HSPBAP1: variants seen among roughly 807,000 people sequenced by gnomAD.
HSPBAP1 encodes HSPB1 associated protein 1.
In HSPBAP1, 27 loss-of-function variants were observed where a neutral mutation model predicts 45.2. That is an observed-to-expected ratio of 0.60 (90% CI 0.44 to 0.82). The LOEUF is 0.82. HSPBAP1 is among the 40% of genes least tolerant of loss of function. The pLI is 0.00. For synonymous variants in HSPBAP1, 204 were observed against 202.7 expected (o/e 1.01, Z -0.06); for missense variants, 510 against 590.9 (o/e 0.86, Z 1.42).
intron 3 of HSPBAP1, chr3:122,762,117 T>C (rs1033661277): frequency 1.3e-5 from 2 of 152,192 alleles, no homozygotes; most frequent in Non-Finnish European, 2.9e-5. Flanking sequence ...GACAAGTAGC[T>C]AGCTAGTTGA....
chr3:122,749,978 CTTT>C (rs369371448), intron 6 of HSPBAP1, among the ~76,000 whole-genome samples: 5 of 140,178 alleles, frequency 3.6e-5, no homozygotes, highest in Non-Finnish European at 3.1e-5. Context: ...GGTTTTCTTT[CTTT>C]TTTTTTTTTT....
intron 5 of HSPBAP1, 63 bp from the exon 6 acceptor site, chr3:122,752,737 A>G: frequency 6.8e-7 from 1 of 1,476,584 alleles, no homozygotes; most frequent in Non-Finnish European, 9.2e-7. Flanking sequence ...TGTCAGAATC[A>G]GACCCTAATT....
At chr3:122,785,866 T>TAGATAGAC (rs1343782582) in intron 1 of HSPBAP1, among the ~76,000 whole-genome samples, 36 of 152,122 alleles carry the variant, frequency 2.4e-4, no homozygotes, top group African/African-American at 7.5e-4. Context: ...GATAGATAGA[T>TAGATAGAC]AGGGAATATA....
intron 2 of HSPBAP1, among the ~76,000 whole-genome samples, chr3:122,775,811 T>A (rs1447589329): frequency 1.3e-5 from 2 of 152,212 alleles, no homozygotes; most frequent in Admixed American, 6.5e-5. Flanking sequence ...CACAAAAACA[T>A]GTACATGAAT....
At chr3:122,789,121 C>G (rs1935743930) in intron 1 of HSPBAP1, among the ~76,000 whole-genome samples, 1 of 152,086 alleles carries the variant, frequency 6.6e-6, no homozygotes, top group Non-Finnish European at 1.5e-5. Flanking sequence ...CACCCTTTGC[C>G]CCTTTTAAAA....
intron 6 of HSPBAP1, among the ~76,000 whole-genome samples, chr3:122,750,557 T>TATCTA (rs1560114956): frequency 8.1e-5 from 12 of 147,276 alleles, no homozygotes; most frequent in African/African-American, 2.2e-4. Context: ...CTATCTAATC[T>TATCTA]ATCTATCTAT....
chr3:122,792,564 C>G (rs566198069), intron 1 of HSPBAP1, among the ~76,000 whole-genome samples: 3 of 152,186 alleles, frequency 2.0e-5, no homozygotes, highest in Non-Finnish European at 2.9e-5. Flanking sequence ...ATACATCCAT[C>G]CTTTTCTGCT....
At chr3:122,765,093 G>A (rs1456166949) in intron 3 of HSPBAP1, among the ~76,000 whole-genome samples, 1 of 152,162 alleles carries the variant, frequency 6.6e-6, no homozygotes, top group Non-Finnish European at 1.5e-5. Context: ...GATGAGACAA[G>A]TTGGAATGTA....
chr3:122,772,835 A>C (rs527555695), intron 2 of HSPBAP1, among the ~76,000 whole-genome samples: 114 of 151,958 alleles, frequency 7.5e-4, no homozygotes, highest in Middle Eastern at 3.4e-3. Flanking sequence ...TAACAACACA[A>C]TCTTTATTTT....
chr3:122,764,726 C>A (rs1934716167), intron 3 of HSPBAP1, among the ~76,000 whole-genome samples: 1 of 152,106 alleles, frequency 6.6e-6, no homozygotes, highest in Non-Finnish European at 1.5e-5. Flanking sequence ...GAATTTGTGA[C>A]AGTACAAAAC....
chr3:122,778,678 C>T lies in HSPBAP1; in HGVS notation c.65-772G>A, dbSNP rs371952712. On this transcript the variant is annotated intron_variant, in intron 1 of 7. Transcript: ENST00000306103. ...CCAAGTAGCAGGGACTACAGGCGCC[C>T]GCCACTGCGCCCGGCTAATTTTTTT... 1.4e-4 allele frequency among the ~76,000 whole-genome samples: 21 copies of T among 152,024 alleles called. 1 individual carries two copies. The highest frequency in any genetic ancestry group is 6.6e-4 in the Admixed American group (10 of 15,266).
chr3:122,768,242 A>G (rs1281892889), intron 3 of HSPBAP1, among the ~76,000 whole-genome samples: 1 of 152,192 alleles, frequency 6.6e-6, no homozygotes, highest in Non-Finnish European at 1.5e-5. Context: ...CAGGCCATGA[A>G]CTGCCAGAGA....
chr3:122,782,111 T>C (rs1033054088), intron 1 of HSPBAP1, among the ~76,000 whole-genome samples: 1 of 152,358 alleles, frequency 6.6e-6, no homozygotes, highest in Admixed American at 6.5e-5. Flanking sequence ...AAAATACTAC[T>C]TCCTAAGTAG....
intron 3 of HSPBAP1, among the ~76,000 whole-genome samples, chr3:122,767,499 A>G (rs565030168): frequency 1.8e-3 from 267 of 151,682 alleles, no homozygotes; most frequent in Non-Finnish European, 3.1e-3. Context: ...CAGAGGTTGC[A>G]GGGAGTCGTA....
chr3:122,769,703 C>T (rs778829394), intron 2 of HSPBAP1, among the ~76,000 whole-genome samples: 4 of 152,138 alleles, frequency 2.6e-5, no homozygotes, highest in Non-Finnish European at 5.9e-5. Context: ...TGTTTTGAGA[C>T]AGGGTCTTGC....
intron 6 of HSPBAP1, among the ~76,000 whole-genome samples, chr3:122,752,136 C>G (rs768096888): frequency 5.3e-5 from 8 of 152,148 alleles, no homozygotes; most frequent in Non-Finnish European, 1.2e-4. Context: ...ATGATAAAAA[C>G]CTAGCACTGA....
chr3:122,754,097 G>C (rs961979949), intron 5 of HSPBAP1: 1 of 162,982 alleles, frequency 6.1e-6, no homozygotes, highest in African/African-American at 2.4e-5. Flanking sequence ...GTTAAACACA[G>C]GGTTACCATA....
At chr3:122,759,942 A>G (rs1472501102) in intron 3 of HSPBAP1, among the ~76,000 whole-genome samples, 1 of 152,232 alleles carries the variant, frequency 6.6e-6, no homozygotes, top group Admixed American at 6.5e-5. Context: ...AAAACTATCA[A>G]TGCTGGAGCC....
At chr3:122,767,920 A>G (rs1344502426) in intron 3 of HSPBAP1, among the ~76,000 whole-genome samples, 4 of 152,072 alleles carry the variant, frequency 2.6e-5, no homozygotes, top group African/African-American at 9.7e-5. Context: ...GGGCAGGAAG[A>G]AGGACTCTGG....
Sources: gnomAD v4.1 joint callset for allele counts (sites outside exome capture counted in the v4.1 genomes callset) on GRCh38, gnomAD v4.1.1 for gene constraint, MANE v1.5 for transcripts, NCBI Gene and HGNC (gene_info 2026-07-23, HGNC 2026-07-21) for gene names.